Variants in GALNT2 observed in about 807,000 individuals in gnomAD.
GALNT2 encodes the protein UDP-GalNAc:polypeptide N-acetylgalactosaminyltransferase 2.
A neutral mutation model predicts 81.4 loss-of-function variants in GALNT2; 31 were observed. The observed-to-expected ratio is 0.38, with a 90% CI of 0.29 to 0.51. GALNT2 has a LOEUF of 0.51. Ranked by LOEUF, GALNT2 falls within the 20% of genes least tolerant of loss-of-function variation. The pLI, the probability that GALNT2 is intolerant of heterozygous loss-of-function variation, is 0.87. For synonymous variants in GALNT2, 303 were observed against 287.4 expected, an observed-to-expected ratio of 1.05 and a Z score of -0.55; for missense variants, 629 against 765.7, an observed-to-expected ratio of 0.82 and a Z score of 2.11.
chr1:230,186,996 G>A lies in GALNT2; in HGVS notation c.220+8685G>A, dbSNP rs114810954. Among the ~76,000 whole-genome samples, 596 of 152,318 alleles carry A rather than the reference G, an allele frequency of 3.9e-3. 2 individuals carry two copies. Among genetic ancestry groups the A allele is most frequent in the South Asian group, 0.025 (120 of 4,816 alleles). On this transcript the variant is annotated intron_variant, in intron 2 of 15. Coordinates refer to ENST00000366672, the MANE Select transcript of GALNT2 (RefSeq NM_004481.5). Reference sequence around the variant, plus strand: ...ACAGCTAAAGTTTTATGGTTTGCAAGAAACCGCTGGCCATGGCACTTCCCA... The same window carrying A: ...ACAGCTAAAGTTTTATGGTTTGCAAAAAACCGCTGGCCATGGCACTTCCCA...
intron 1 of GALNT2, among the ~76,000 whole-genome samples, chr1:230,140,932 T>C (rs565046000): frequency 6.6e-6 from 1 of 152,360 alleles, no homozygotes; most frequent in East Asian, 1.9e-4. Flanking sequence ...TACGTATCCT[T>C]TCTAGTTCTG....
Position 230,270,464 on chromosome 1 carries a change from G to A in GALNT2, c.1441-3981G>A, listed in dbSNP as rs934084845. Among the ~76,000 whole-genome samples the A allele has an allele frequency of 3.3e-5, 5 of 152,320 alleles. No homozygotes were observed. The East Asian group carries it at 9.6e-4, about 29-fold the overall frequency. Reference sequence around the variant, plus strand: ...GTATATCAGCCACATTGTGGCAACTGGGCACTTGAAATATGACTAGTGTGA... The same window carrying A: ...GTATATCAGCCACATTGTGGCAACTAGGCACTTGAAATATGACTAGTGTGA... On this transcript the variant is annotated intron_variant, in intron 14 of 15. Transcript: ENST00000366672.
At position 230,067,255 on chromosome 1, in the gene GALNT2, GC is replaced by G; in HGVS notation, c.-22del. 5 of 1,276,496 alleles carry G rather than the reference GC, an allele frequency of 3.9e-6. No homozygotes were observed. The highest frequency in any genetic ancestry group is 2.2e-5 in the South Asian group (1 of 45,324). 79.1% of individuals were successfully genotyped at this position (1,276,496 alleles called of 1,614,324 possible). A position where few individuals can be genotyped will look rare whatever the true frequency, so the allele number is the denominator to read the frequency against. ...CAGGCAGCACTCGCGAGCAGCGGCG[GC>G]CCCGCCGGCGGCCGAGTTGGGAGAA... On this transcript the variant is annotated 5_prime_UTR_variant, in exon 1 of 16. Coordinates refer to ENST00000366672, the MANE Select transcript of GALNT2 (RefSeq NM_004481.5).
intron 1 of GALNT2, among the ~76,000 whole-genome samples, chr1:230,133,741 G>A (rs1391313887): frequency 4.6e-5 from 7 of 152,038 alleles, no homozygotes; most frequent in Admixed American, 2.6e-4. Flanking sequence ...AGGCATTAGC[G>A]CCACACCTGG....
intron 1 of GALNT2, among the ~76,000 whole-genome samples, chr1:230,096,573 T>G (rs77034196): frequency 0.024 from 3,635 of 151,788 alleles, 122 homozygotes; most frequent in East Asian, 0.1. Context: ...TGTTTGAAAG[T>G]TTTTTTTTGT....
intron 4 of GALNT2, 88 bp downstream of exon 4, chr1:230,236,200 C>A: frequency 7.0e-7 from 1 of 1,428,406 alleles, no homozygotes; most frequent in Non-Finnish European, 9.8e-7. Flanking sequence ...TCAGTGGGGG[C>A]TGCAGACAGG....
chr1:230,274,161 G>A (rs369503261), intron 14 of GALNT2, among the ~76,000 whole-genome samples: 2 of 152,256 alleles, frequency 1.3e-5, no homozygotes, highest in African/African-American at 4.8e-5. Flanking sequence ...TTGTATTTGG[G>A]GCTAAAATAG....
chr1:230,078,631 G>A (rs943663800), intron 1 of GALNT2, among the ~76,000 whole-genome samples: 3 of 152,144 alleles, frequency 2.0e-5, no homozygotes, highest in Non-Finnish European at 2.9e-5. Context: ...ATTGGTTGCT[G>A]TTTCTTCTGT....
chr1:230,255,736 G>A (rs1486487692), intron 11 of GALNT2, among the ~76,000 whole-genome samples: 2 of 152,184 alleles, frequency 1.3e-5, no homozygotes, highest in South Asian at 2.1e-4. Flanking sequence ...TGTGGTGGTA[G>A]TTGGACAAAT....
At chr1:230,187,008 C>T (rs1254593573) in intron 2 of GALNT2, among the ~76,000 whole-genome samples, 1 of 152,160 alleles carries the variant, frequency 6.6e-6, no homozygotes, top group African/African-American at 2.4e-5. Context: ...AACCGCTGGC[C>T]ATGGCACTTC....
chr1:230,117,363 T>A (rs576319315), intron 1 of GALNT2, among the ~76,000 whole-genome samples: 24 of 152,400 alleles, frequency 1.6e-4, no homozygotes, highest in Non-Finnish European at 3.4e-4. Context: ...ATGTGTTCAC[T>A]GGAGTAGCAC....
intron 1 of GALNT2, among the ~76,000 whole-genome samples, chr1:230,144,402 G>A (rs1444683286): frequency 4.6e-5 from 7 of 152,200 alleles, no homozygotes; most frequent in Admixed American, 3.9e-4. Flanking sequence ...CAGAGCCAGC[G>A]TCACCCGCAG....
At chr1:230,218,312 A>G (rs940646901) in intron 3 of GALNT2, among the ~76,000 whole-genome samples, 4 of 152,220 alleles carry the variant, frequency 2.6e-5, no homozygotes, top group African/African-American at 9.6e-5. Context: ...TTTGCTGAGC[A>G]GGGAGCAGTA....
intron 1 of GALNT2, among the ~76,000 whole-genome samples, chr1:230,102,040 T>C (rs1393392581): frequency 6.6e-6 from 1 of 152,224 alleles, no homozygotes; most frequent in African/African-American, 2.4e-5. Context: ...TTGCCCTTCT[T>C]GGGGAGCCTT....
At chr1:230,159,868 T>G (rs746136367) in intron 1 of GALNT2, among the ~76,000 whole-genome samples, 3 of 152,212 alleles carry the variant, frequency 2.0e-5, no homozygotes, top group Admixed American at 6.5e-5. Context: ...TGGCTGGCCT[T>G]TGGCTGGATC....
chr1:230,108,377 A>C (rs1326902805), intron 1 of GALNT2, among the ~76,000 whole-genome samples: 1 of 152,224 alleles, frequency 6.6e-6, no homozygotes, highest in Non-Finnish European at 1.5e-5. Flanking sequence ...TCCTCAATTA[A>C]CAATGAAGCT....
intron 2 of GALNT2, among the ~76,000 whole-genome samples, chr1:230,202,217 T>A (rs1286709443): frequency 6.6e-6 from 1 of 152,202 alleles, no homozygotes; most frequent in Non-Finnish European, 1.5e-5. Context: ...ATGTTCTCCT[T>A]GCTTCAAGTC....
At chr1:230,122,138 C>G (rs995197531) in intron 1 of GALNT2, among the ~76,000 whole-genome samples, 4 of 152,056 alleles carry the variant, frequency 2.6e-5, no homozygotes, top group Non-Finnish European at 5.9e-5. Flanking sequence ...TTGCCAGGAA[C>G]TGGGATAATG....
At position 230,262,578 on chromosome 1, in the gene GALNT2, C is replaced by G. The variant is rs1665910305; in HGVS notation, c.1142C>G (p.Thr381Ser). The G allele has an allele frequency of 1.2e-6, 2 of 1,613,686 alleles. No homozygotes were observed. Among genetic ancestry groups the G allele is most frequent in the Non-Finnish European group, 8.5e-7 (1 of 1,179,586 alleles). ...AAGATTTATTTTCTTTCTAGAAACACCCGCCGGGCAGCAGAGGTCTGGATG... is the reference window on the plus strand; with the variant it reads ...AAGATTTATTTTCTTTCTAGAAACAGCCGCCGGGCAGCAGAGGTCTGGATG... The part of the protein sequence containing the change: ...GGSGTVFARN[T>S]RRAAEVWMDE... Residue 381 changes from threonine (T) to serine (S), a missense_variant, in exon 12 of 16, where the codon ACC becomes AGC. By Grantham distance (58) the Thr-to-Ser change is moderately conservative. Around this residue, in one of 3 missense-constraint regions of GALNT2, gnomAD observed 360 missense variants for 492.8 expected, o/e 0.73. Transcript: ENST00000366672.
Sources: gnomAD v4.1 joint callset for allele counts (sites outside exome capture counted in the v4.1 genomes callset) on GRCh38, gnomAD v4.1.1 for gene constraint, gnomAD v4.1.1 regional missense constraint, MANE v1.5 for transcripts, NCBI Gene and HGNC (gene_info 2026-07-23, HGNC 2026-07-21) for gene names.